Variants in DTNA observed in about 807,000 individuals in gnomAD.
DTNA encodes dystrobrevin alpha, also known as dystrophin-related protein 3.
DTNA carries 43 observed loss-of-function variants against 100.7 expected under a neutral mutation model. That is an observed-to-expected ratio of 0.43 (90% CI 0.33 to 0.55). The LOEUF (loss-of-function observed/expected upper bound fraction) is 0.55, where lower values mean the gene tolerates loss of function less well. Among genes scored for constraint, DTNA ranks in the 20% least tolerant of loss-of-function variants. The pLI is 0.04. For missense variants in DTNA, 798 were observed against 953.9 expected (o/e 0.84, Z 2.15); for synonymous variants, 349 against 347.9 (o/e 1.00, Z -0.04).
chr18:34,808,753 A>C (rs1238779743), intron 5 of DTNA, among the ~76,000 whole-genome samples: 1 of 152,170 alleles, frequency 6.6e-6, no homozygotes, highest in African/African-American at 2.4e-5. Flanking sequence ...CCCTCCAAAA[A>C]GCACTCTCTA....
rs117127098 is a variant in DTNA at position 34,850,327 on chromosome 18, A to T, written c.1435-1504A>T. On this transcript the variant is annotated intron_variant, in intron 14 of 22. Coordinates refer to ENST00000444659, the MANE Select transcript of DTNA (RefSeq NM_001386795.1). ...TCAATACATAAAGTATATGCCAGAA[A>T]AGGAAACTTATGTAATGAAATCAGA... Among the ~76,000 whole-genome samples, 586 of 152,340 alleles carry T rather than the reference A, an allele frequency of 3.8e-3. 6 individuals carry two copies. The highest frequency in any genetic ancestry group is 0.01 in the Middle Eastern group (3 of 294).
intron 1 of DTNA, among the ~76,000 whole-genome samples, chr18:34,628,172 TAAC>T (rs35810103): frequency 0.1 from 15,448 of 152,226 alleles, 1,137 homozygotes; most frequent in African/African-American, 0.2. Context: ...GAGGCTTCTT[TAAC>T]AACTCATTTC....
chr18:34,851,976 C>T (rs1468442344), intron 15 of DTNA, 48 bp downstream of exon 15: 1 of 1,579,426 alleles, frequency 6.3e-7, no homozygotes, highest in Non-Finnish European at 8.7e-7. Context: ...GTGCGCATTC[C>T]TTAATAAACT....
rs544872780 is a variant in DTNA at position 34,672,864 on chromosome 18, T to C, written c.-1-83112T>C. Among the ~76,000 whole-genome samples the C allele has an allele frequency of 2.0e-5, 3 of 152,192 alleles. No homozygotes were observed. The East Asian group carries it at 5.8e-4, about 29-fold the overall frequency. ...TATAACTGGAAGTAAATGTATAAAATCTTCATAGGGATTTCCTGTGGGGTG... is the reference window on the plus strand; with the variant it reads ...TATAACTGGAAGTAAATGTATAAAACCTTCATAGGGATTTCCTGTGGGGTG... On this transcript the variant is annotated intron_variant, in intron 1 of 19. Transcript: ENST00000283365.
At position 34,875,264 on chromosome 18, in the gene DTNA, C is replaced by T; in HGVS notation, c.1769C>T (p.Ser590Phe). Residue 590 changes from serine (S) to phenylalanine (F), a missense_variant, in exon 18 of 23, where the codon TCC becomes TTC. Physicochemically the swap from Ser to Phe is radical, Grantham distance 155 (BLOSUM62 -2). Transcript: ENST00000444659. The stretch of plus-strand genomic sequence containing the variant: ...ACTCAGGGGGCAGGCTCTCCCCGCT[C>T]CTCCCCCAGCCACACCATCAGCAGG... ...LKTQGAGSPR[S>F]SPSHTISRPI... is the part of the protein sequence containing the mutation. 6.2e-7 allele frequency: 1 copy of T among 1,614,096 alleles called. No individual in the cohort carries two copies. Among genetic ancestry groups the T allele is most frequent in the East Asian group, 2.2e-5 (1 of 44,882 alleles).
chr18:34,807,437 C>T (rs1374171153), intron 5 of DTNA, among the ~76,000 whole-genome samples: 1 of 152,158 alleles, frequency 6.6e-6, no homozygotes, highest in Non-Finnish European at 1.5e-5. Flanking sequence ...TGCATGCAGC[C>T]ATCTGTGTGG....
intron 6 of DTNA, among the ~76,000 whole-genome samples, chr18:34,815,051 G>C (rs2095565354): frequency 6.6e-6 from 1 of 151,002 alleles, no homozygotes; most frequent in Admixed American, 6.6e-5. Flanking sequence ...TTGAGACCAG[G>C]AGTTAGAGTC....
At chr18:34,519,609 T>C (rs1303357430) in intron 1 of DTNA, among the ~76,000 whole-genome samples, 1 of 152,192 alleles carries the variant, frequency 6.6e-6, no homozygotes, top group Non-Finnish European at 1.5e-5. Flanking sequence ...AGTTCCTTTA[T>C]TCCTACAAGA....
intron 1 of DTNA, among the ~76,000 whole-genome samples, chr18:34,655,332 C>G (rs913803435): frequency 5.3e-5 from 8 of 152,118 alleles, no homozygotes; most frequent in African/African-American, 1.9e-4. Flanking sequence ...AAACATAACT[C>G]AGACCATTCC....
intron 1 of DTNA, among the ~76,000 whole-genome samples, chr18:34,640,024 A>G (rs2059098332): frequency 6.6e-6 from 1 of 152,232 alleles, no homozygotes; most frequent in Non-Finnish European, 1.5e-5. Context: ...CTATCTTTTC[A>G]GGTATAAAAG....
intron 16 of DTNA, among the ~76,000 whole-genome samples, chr18:34,860,969 G>A (rs1199498390): frequency 6.6e-6 from 1 of 151,838 alleles, no homozygotes; most frequent in Non-Finnish European, 1.5e-5. Context: ...TTCACTTAGT[G>A]TATATATTTA....
In DTNA at chr18:34,588,686, A is replaced by AGTGTGTGTGTGTGCATGTGTGTGTGTGT. The variant is rs1555632822; in HGVS notation, c.-2+95185_-2+95186insCATGTGTGTGTGTGTGTGTGTGTGTGTG. Among the ~76,000 whole-genome samples, 959 of 149,644 alleles carry AGTGTGTGTGTGTGCATGTGTGTGTGTGT rather than the reference A, an allele frequency of 6.4e-3. 10 individuals are homozygous for AGTGTGTGTGTGTGCATGTGTGTGTGTGT. The highest frequency in any genetic ancestry group is 0.021 in the African/African-American group (861 of 40,844). On this transcript the variant is annotated intron_variant, in intron 1 of 19. Coordinates refer to the DTNA transcript ENST00000283365. ...GCAATTATTCCTACTTGAATATTATAGTGTGTGTGTGTGTGTGTGTGTAGA... is the reference window on the plus strand; with the variant it reads ...GCAATTATTCCTACTTGAATATTATAGTGTGTGTGTGTGCATGTGTGTGTGTGTGTGTGTGTGTGTGTGTGTGTGTAGA...
chr18:34,731,220 C>T (rs1253154158), intron 1 of DTNA, among the ~76,000 whole-genome samples: 2 of 152,180 alleles, frequency 1.3e-5, no homozygotes, highest in Admixed American at 1.3e-4. Context: ...TGGCTCACGC[C>T]TGTAATCCCA....
intron 17 of DTNA, among the ~76,000 whole-genome samples, chr18:34,872,902 G>A (rs532499929): frequency 6.6e-6 from 1 of 152,306 alleles, no homozygotes; most frequent in African/African-American, 2.4e-5. Flanking sequence ...GGCAAACCCT[G>A]AGCTTGGAGT....
chr18:34,846,583 TA>T (rs1486901013), intron 13 of DTNA, among the ~76,000 whole-genome samples: 1 of 152,038 alleles, frequency 6.6e-6, no homozygotes, highest in African/African-American at 2.4e-5. Context: ...GTATTCATAT[TA>T]AAACAGCTAT....
intron 18 of DTNA, among the ~76,000 whole-genome samples, chr18:34,876,537 G>T (rs1449071709): frequency 1.3e-5 from 2 of 152,160 alleles, no homozygotes; most frequent in African/African-American, 4.8e-5. Flanking sequence ...ATGAAAAGAT[G>T]TTCAACCTCT....
chr18:34,637,253 A>G (rs2058761897), intron 1 of DTNA, among the ~76,000 whole-genome samples: 1 of 152,180 alleles, frequency 6.6e-6, no homozygotes, highest in Non-Finnish European at 1.5e-5. Context: ...TGTTGCTGTC[A>G]GTGGCATACT....
chr18:34,866,371 G>A, intron 17 of DTNA: 1 of 1,395,618 alleles, frequency 7.2e-7, no homozygotes, highest in East Asian at 2.7e-5. Flanking sequence ...TTTAGAAAAG[G>A]GAACGAATTG....
chr18:34,574,684 A>G (rs1448478200), intron 1 of DTNA, among the ~76,000 whole-genome samples: 2 of 152,224 alleles, frequency 1.3e-5, no homozygotes, highest in Non-Finnish European at 2.9e-5. Flanking sequence ...GCTGGAATGC[A>G]GTAATGATGT....
Sources: allele counts gnomAD v4.1 joint callset (sites outside exome capture counted in the v4.1 genomes callset), GRCh38; gene constraint gnomAD v4.1.1; transcripts MANE v1.5; gene names NCBI Gene and HGNC (gene_info 2026-07-23, HGNC 2026-07-21).